PCMTD1: variants seen among roughly 807,000 people sequenced by gnomAD.
The protein encoded by PCMTD1 is protein-L-isoaspartate (D-aspartate) O-methyltransferase domain containing 1, also known as protein-L-isoaspartate O-methyltransferase domain-containing protein 1.
A neutral mutation model predicts 37.6 loss-of-function variants in PCMTD1; 12 were observed. The ratio of observed to expected loss-of-function variants is 0.32; its 90% CI spans 0.20 to 0.52. PCMTD1 has a LOEUF of 0.52. Ranked by LOEUF, PCMTD1 falls within the 20% of genes least tolerant of loss-of-function variation. PCMTD1 has a pLI of 0.97. For synonymous variants in PCMTD1, 117 were observed against 135.8 expected (o/e 0.86, Z 0.96); for missense variants, 235 against 421.3 (o/e 0.56, Z 3.87).
At chr8:51,898,896 C>A (rs986057914) in intron 1 of PCMTD1, 34 bp downstream of exon 1, 4 of 1,312,960 alleles carry the variant, frequency 3.0e-6, no homozygotes, top group Non-Finnish European at 3.9e-6. Flanking sequence ...TCGCACACCC[C>A]ACGACCCCGA....
chr8:51,841,345 C>T (rs2038144775), intron 3 of PCMTD1, among the ~76,000 whole-genome samples: 1 of 152,126 alleles, frequency 6.6e-6, no homozygotes, highest in Non-Finnish European at 1.5e-5. Context: ...AGACAATGGT[C>T]TTCCATTCAT....
intron 4 of PCMTD1, 139 bp downstream of exon 4, chr8:51,833,379 T>G (rs944442367): frequency 1.8e-6 from 1 of 555,446 alleles, no homozygotes; most frequent in African/African-American, 2.0e-5. Flanking sequence ...AAGTTTTTTC[T>G]AAACAAATAA....
At position 51,833,108 on chromosome 8, in the gene PCMTD1, G is replaced by A. The variant is rs373456588; in HGVS notation, c.582+410C>T. On this transcript the variant is annotated intron_variant, in intron 4 of 5. Coordinates refer to ENST00000522514, the MANE Select transcript of PCMTD1 (RefSeq NM_052937.4). ...GATCTGCCTGCCTCAGCCGCCCAAA[G>A]CGCTGAGATTACAGGCGTGAGCCAG... Among the ~76,000 whole-genome samples, 105 of 152,302 alleles carry A rather than the reference G, an allele frequency of 6.9e-4. 1 individual carries two copies. In the South Asian group the frequency reaches 8.1e-3, roughly 12 times the overall value.
intron 1 of PCMTD1, among the ~76,000 whole-genome samples, chr8:51,882,408 T>A (rs186562195): frequency 1.3e-5 from 2 of 152,270 alleles, no homozygotes; most frequent in African/African-American, 4.8e-5. Context: ...AACACGTGAC[T>A]TTTAGGGGGA....
chr8:51,844,047 G>C (rs2038183839), intron 3 of PCMTD1, among the ~76,000 whole-genome samples: 1 of 152,016 alleles, frequency 6.6e-6, no homozygotes, highest in Non-Finnish European at 1.5e-5. Flanking sequence ...TAAATAAAAT[G>C]AACAAAATTC....
chr8:51,858,531 C>A (rs995409268), intron 2 of PCMTD1, among the ~76,000 whole-genome samples: 5 of 152,072 alleles, frequency 3.3e-5, no homozygotes, highest in Non-Finnish European at 7.4e-5. Context: ...TGGATGTATA[C>A]CTTCCCCTCC....
At chr8:51,860,811 T>C (rs1279832208) in intron 2 of PCMTD1, 34 bp downstream of exon 2, 3 of 1,505,914 alleles carry the variant, frequency 2.0e-6, no homozygotes, top group Non-Finnish European at 2.7e-6. Context: ...AATGGCTTAT[T>C]TTTTAAAATA....
At position 51,818,474 on chromosome 8, in the gene PCMTD1, A is replaced by G. The variant is rs1224059614; in HGVS notation, c.*1877T>C. ...TAACTTTCTCCAGGTTTTCCAGATAAAAACATGTGGTCACCAGGAATTCAA... is the reference window on the plus strand; with the variant it reads ...TAACTTTCTCCAGGTTTTCCAGATAGAAACATGTGGTCACCAGGAATTCAA... On this transcript the variant is annotated 3_prime_UTR_variant, in exon 6 of 6. Transcript: ENST00000522514. 1 of 152,740 alleles carries G rather than the reference A, an allele frequency of 6.5e-6. No individual in the cohort carries two copies. Among genetic ancestry groups the G allele is most frequent in the African/African-American group, 2.4e-5 (1 of 41,502 alleles). 9.5% of individuals were successfully genotyped at this position (152,740 alleles called of 1,614,324 possible).
At chr8:51,875,746 A>G (rs914115616) in intron 1 of PCMTD1, among the ~76,000 whole-genome samples, 8 of 152,194 alleles carry the variant, frequency 5.3e-5, no homozygotes, top group Admixed American at 5.2e-4. Context: ...CGTGGGCAAC[A>G]TGGAGAGACC....
chr8:51,867,879 A>G (rs1220054780), intron 1 of PCMTD1, among the ~76,000 whole-genome samples: 1 of 152,084 alleles, frequency 6.6e-6, no homozygotes, highest in Non-Finnish European at 1.5e-5. Flanking sequence ...AGACAGGAGA[A>G]ATACGCTTTA....
At chr8:51,874,363 C>CT (rs2038683089) in intron 1 of PCMTD1, among the ~76,000 whole-genome samples, 1 of 148,616 alleles carries the variant, frequency 6.7e-6, no homozygotes, top group Non-Finnish European at 1.5e-5. Context: ...CTGCATTTAA[C>CT]AACTCCTTCA....
intron 1 of PCMTD1, among the ~76,000 whole-genome samples, chr8:51,879,542 G>T (rs924914123): frequency 4.6e-4 from 70 of 152,272 alleles, no homozygotes; most frequent in African/African-American, 1.6e-3. Flanking sequence ...ATAGGAAAAT[G>T]AAACTATGTG....
rs1037937340 is a variant in PCMTD1, at chr8:51,873,030, C to A, written c.-95-11784G>T. Among the ~76,000 whole-genome samples the A allele has an allele frequency of 2.6e-5, 4 of 152,256 alleles. No homozygotes were observed. In the East Asian group the frequency reaches 7.7e-4, roughly 29 times the overall value. On this transcript the variant is annotated intron_variant, in intron 1 of 5. Coordinates refer to ENST00000522514, the MANE Select transcript of PCMTD1 (RefSeq NM_052937.4). ...ACAGGTTAACTACAAAGTTTTTGGA[C>A]TTATAAAATGGCATCTTTCCAAAGT...
At chr8:51,876,139 T>G (rs1299547474) in intron 1 of PCMTD1, among the ~76,000 whole-genome samples, 1 of 151,188 alleles carries the variant, frequency 6.6e-6, no homozygotes, top group Non-Finnish European at 1.5e-5. Flanking sequence ...AACAAACATA[T>G]TACCATTTCA....
At chr8:51,879,513 T>G (rs1273940419) in intron 1 of PCMTD1, among the ~76,000 whole-genome samples, 1 of 152,124 alleles carries the variant, frequency 6.6e-6, no homozygotes, top group African/African-American at 2.4e-5. Flanking sequence ...ATAAATCAGG[T>G]CAAGGAAAAC....
chr8:51,889,874 G>C (rs894061818), intron 1 of PCMTD1, among the ~76,000 whole-genome samples: 1 of 150,604 alleles, frequency 6.6e-6, no homozygotes, highest in Admixed American at 6.6e-5. Flanking sequence ...ACGTGTGTGT[G>C]TGTGTGTGTG....
In PCMTD1 at chr8:51,819,803, A is replaced by T. The variant is rs2037817114; in HGVS notation, c.*548T>A. 1 of 152,634 alleles carries T rather than the reference A, an allele frequency of 6.6e-6. No individual in the cohort carries two copies. The highest frequency in any genetic ancestry group is 2.4e-5 in the African/African-American group (1 of 41,452). 9.5% of individuals were successfully genotyped at this position (152,634 alleles called of 1,614,324 possible). A position where few individuals can be genotyped will look rare whatever the true frequency, so the allele number is the denominator to read the frequency against. ...TTCATAAAATTTGTGGGATTTTTTAAAGCTAAATTATTCAATATCTTGTAT... is the reference window on the plus strand; with the variant it reads ...TTCATAAAATTTGTGGGATTTTTTATAGCTAAATTATTCAATATCTTGTAT... On this transcript the variant is annotated 3_prime_UTR_variant, in exon 6 of 6. Transcript: ENST00000522514.
rs550319888 is a variant in PCMTD1, at chr8:51,829,707, T to C, written c.706+1737A>G. On this transcript the variant is annotated intron_variant, in intron 5 of 5. Coordinates refer to ENST00000522514, the MANE Select transcript of PCMTD1 (RefSeq NM_052937.4). ...ATTGCTTGAGCCCAGGAGGTGGAGA[T>C]TGCAGTGAGCCGAGATCGTGCCACT... 3.3e-5 allele frequency among the ~76,000 whole-genome samples: 5 copies of C among 152,134 alleles called. No individual in the cohort carries two copies. In the South Asian group the frequency reaches 6.2e-4, roughly 19 times the overall value.
chr8:51,878,265 T>TA (rs1554525749), intron 1 of PCMTD1, among the ~76,000 whole-genome samples: 1 of 150,784 alleles, frequency 6.6e-6, no homozygotes, highest in African/African-American at 2.4e-5. Context: ...TTTTTTTTTT[T>TA]AGCTCATCAG....
Sources: gnomAD v4.1 joint callset for allele counts (sites outside exome capture counted in the v4.1 genomes callset) on GRCh38, gnomAD v4.1.1 for gene constraint, MANE v1.5 for transcripts, NCBI Gene and HGNC (gene_info 2026-07-23, HGNC 2026-07-21) for gene names.